The following MPP7 variants were observed in gnomAD, a reference collection of about 807,000 sequenced individuals.
MPP7 encodes the protein MAGUK p55 subfamily member 7.
In MPP7, 60 loss-of-function variants were observed where a neutral mutation model predicts 76.5. The ratio of observed to expected loss-of-function variants is 0.78; its 90% confidence interval spans 0.64 to 0.97. The LOEUF is 0.97. Among genes scored for constraint, MPP7 ranks in the 50% least tolerant of loss-of-function variants. The pLI, the probability that MPP7 is intolerant of heterozygous loss-of-function variation, is 0.00. For missense variants in MPP7, 641 were observed against 694.0 expected, an observed-to-expected ratio of 0.92 and a Z score of 0.86; for synonymous variants, 237 against 244.5, an observed-to-expected ratio of 0.97 and a Z score of 0.29.
chr10:28,138,152 T>C (rs1199128379), intron 5 of MPP7, among the ~76,000 whole-genome samples: 1 of 152,216 alleles, frequency 6.6e-6, no homozygotes, highest in South Asian at 2.1e-4. Context: ...ACTGCCTAAA[T>C]TATAATGCCA....
intron 3 of MPP7, among the ~76,000 whole-genome samples, chr10:28,184,129 T>C (rs192842696): frequency 6.7e-6 from 1 of 149,598 alleles, no homozygotes; most frequent in Non-Finnish European, 1.5e-5. Context: ...TATTAAGATA[T>C]ATATCTTACA....
chr10:28,273,988 G>T (rs899364273), intron 1 of MPP7, among the ~76,000 whole-genome samples: 5 of 151,934 alleles, frequency 3.3e-5, no homozygotes, highest in Admixed American at 3.3e-4. Flanking sequence ...GGCTGGGCAC[G>T]GTGGCTTATG....
At chr10:28,228,391 A>G (rs1838767562) in intron 2 of MPP7, among the ~76,000 whole-genome samples, 1 of 152,170 alleles carries the variant, frequency 6.6e-6, no homozygotes, top group South Asian at 2.1e-4. Flanking sequence ...ACCAGAAGTG[A>G]GGTTAACGAG....
intron 2 of MPP7, among the ~76,000 whole-genome samples, chr10:28,223,804 T>C (rs913233844): frequency 2.0e-5 from 3 of 151,578 alleles, no homozygotes; most frequent in African/African-American, 7.3e-5. Flanking sequence ...AAATGTATAA[T>C]ATTAGGCTTC....
intron 3 of MPP7, among the ~76,000 whole-genome samples, chr10:28,167,596 A>G (rs2997206): frequency 0.75 from 113,531 of 151,740 alleles, 42,615 homozygotes; most frequent in Middle Eastern, 0.84. Flanking sequence ...TAACAAACCT[A>G]CACGCGTACC....
intron 2 of MPP7, among the ~76,000 whole-genome samples, chr10:28,211,434 T>C (rs1431816961): frequency 1.4e-5 from 2 of 139,336 alleles, no homozygotes; most frequent in Non-Finnish European, 3.0e-5. Flanking sequence ...TCTTGCAGTA[T>C]ATTTTTTGCC....
At chr10:28,097,430 G>C (rs1017027397) in intron 11 of MPP7, among the ~76,000 whole-genome samples, 3 of 152,128 alleles carry the variant, frequency 2.0e-5, no homozygotes, top group Non-Finnish European at 2.9e-5. Flanking sequence ...CTTTATGTGT[G>C]ATGAATTTAT....
At chr10:28,226,564 T>C (rs983594114) in intron 2 of MPP7, among the ~76,000 whole-genome samples, 11 of 152,210 alleles carry the variant, frequency 7.2e-5, no homozygotes, top group Non-Finnish European at 1.3e-4. Context: ...TTACTCTTAA[T>C]GAGTACTGAG....
At chr10:28,199,554 T>C (rs961098652) in intron 3 of MPP7, among the ~76,000 whole-genome samples, 4 of 152,066 alleles carry the variant, frequency 2.6e-5, no homozygotes, top group Non-Finnish European at 4.4e-5. Context: ...AAGTATATTT[T>C]TTCCTAGTCC....
intron 1 of MPP7, among the ~76,000 whole-genome samples, chr10:28,283,465 C>T (rs917308324): frequency 3.3e-5 from 5 of 151,958 alleles, no homozygotes; most frequent in Admixed American, 6.6e-5. Context: ...AAGAAATGAC[C>T]GCTCTTAATC....
chr10:28,076,663 G>A (rs1028272341), intron 12 of MPP7, among the ~76,000 whole-genome samples: 5 of 152,068 alleles, frequency 3.3e-5, no homozygotes, highest in Admixed American at 2.0e-4. Context: ...CAAGACAGGC[G>A]GATCACCTGA....
In MPP7 at chr10:28,054,080, G is replaced by T; in HGVS notation, c.1716C>A (p.Ser572Arg). 1.9e-6 allele frequency: 3 copies of T among 1,613,228 alleles called. No individual in the cohort carries two copies. The highest frequency in any genetic ancestry group is 2.5e-6 in the Non-Finnish European group (3 of 1,179,616). Residue 572 changes from serine (S) to arginine (R), a missense_variant, in exon 17 of 17, where the codon AGC (serine) becomes AGA (arginine). Coordinates refer to ENST00000683449, the MANE Select transcript of MPP7 (RefSeq NM_001318170.2). ...TTTCTCTTAGTTATGAATGTAACCA[G>T]CTCACTGGCACCCAATGGGTCTCTG... Reference protein sequence around the residue: ...LETETHWVPVSWLHS With the variant: ...LETETHWVPVRWLHS
rs560202576 is a variant in MPP7, at chr10:28,293,217, C to CA, written c.-132+9643dup. ...TAAATTAGGGCAGAAAAATGGGAAA[C>CA]AGATATGAAAAGCTAACAGAAAAAG... On this transcript the variant is annotated intron_variant, in intron 1 of 16. Transcript: ENST00000683449. 4.0e-5 allele frequency among the ~76,000 whole-genome samples: 6 copies of CA among 151,320 alleles called. No homozygotes were observed. The East Asian group carries it at 1.2e-3, about 29-fold the overall frequency.
At chr10:28,332,178 T>C (rs1352062081) in intron 1 of MPP7, among the ~76,000 whole-genome samples, 1 of 152,024 alleles carries the variant, frequency 6.6e-6, no homozygotes, top group Non-Finnish European at 1.5e-5. Context: ...TTCATTTCAT[T>C]AACACCACGT....
intron 2 of MPP7, among the ~76,000 whole-genome samples, chr10:28,225,630 A>G (rs1373179522): frequency 1.3e-5 from 2 of 152,224 alleles, no homozygotes; most frequent in Admixed American, 6.5e-5. Context: ...ACACTTTCCT[A>G]CAATGGCTAT....
intron 11 of MPP7, among the ~76,000 whole-genome samples, chr10:28,097,127 A>G (rs117201009): frequency 0.012 from 1,817 of 152,052 alleles, 51 homozygotes; most frequent in East Asian, 0.11. Context: ...GCAGCTGGAC[A>G]TACAGGCACA....
At chr10:28,297,930 C>A (rs528951544) in intron 1 of MPP7, among the ~76,000 whole-genome samples, 16 of 152,330 alleles carry the variant, frequency 1.1e-4, no homozygotes, top group African/African-American at 3.8e-4. Context: ...TCTCAAGAAG[C>A]CACTTTCTTT....
intron 1 of MPP7, among the ~76,000 whole-genome samples, chr10:28,253,408 C>A (rs1317325949): frequency 6.6e-6 from 1 of 152,020 alleles, no homozygotes. Flanking sequence ...AGAAAAGGAG[C>A]CTACAAAAGA....
chr10:28,235,211 G>T (rs944269425), intron 2 of MPP7, among the ~76,000 whole-genome samples: 1 of 152,000 alleles, frequency 6.6e-6, no homozygotes, highest in African/African-American at 2.4e-5. Flanking sequence ...AAAAAAAAAT[G>T]ACATTAACGG....
Sources: gnomAD v4.1 joint callset for allele counts (sites outside exome capture counted in the v4.1 genomes callset) on GRCh38, gnomAD v4.1.1 for gene constraint, MANE v1.5 for transcripts, NCBI Gene and HGNC (gene_info 2026-07-23, HGNC 2026-07-21) for gene names.